Variants in PLEKHA7 observed in about 807,000 individuals in gnomAD.
PLEKHA7 encodes pleckstrin homology domain containing A7.
PLEKHA7 carries 104 observed loss-of-function variants against 170.0 expected under a neutral mutation model. The observed-to-expected ratio is 0.61, with a 90% CI of 0.52 to 0.72. The LOEUF (loss-of-function observed/expected upper bound fraction) is 0.72, where lower values mean the gene tolerates loss of function less well. PLEKHA7 is among the 30% of genes least tolerant of loss of function. PLEKHA7 has a pLI of 0.00. For synonymous variants in PLEKHA7, 648 were observed against 660.8 expected, an observed-to-expected ratio of 0.98 and a Z score of 0.30; for missense variants, 1,615 against 1,671.7, an observed-to-expected ratio of 0.97 and a Z score of 0.59.
At chr11:16,989,125 G>A (rs6486333) in intron 3 of PLEKHA7, among the ~76,000 whole-genome samples, 60,081 of 152,084 alleles carry the variant, frequency 0.4, 12,421 homozygotes, top group East Asian at 0.57. Context: ...GTGTTCTGGG[G>A]ATGAAACTTC....
At chr11:16,985,071 G>A (rs1863646219) in intron 3 of PLEKHA7, among the ~76,000 whole-genome samples, 1 of 152,206 alleles carries the variant, frequency 6.6e-6, no homozygotes, top group African/African-American at 2.4e-5. Context: ...AGCGGGCTGG[G>A]CACCTCCTCA....
chr11:16,834,840 G>C (rs931774001), intron 9 of PLEKHA7, among the ~76,000 whole-genome samples: 7 of 152,172 alleles, frequency 4.6e-5, no homozygotes, highest in Admixed American at 1.3e-4. Flanking sequence ...GATTACTTGG[G>C]GGGGCGGGGG....
chr11:16,786,261 G>A lies in PLEKHA7; in HGVS notation c.3484C>T (p.Pro1162Ser), dbSNP rs1376568487. ...CTGATGTCCAAGTCATAGTCTTGAG[G>A]CTCCAGGTCCAACTCAGTGACAGGC... ...AMPVTELDLE[P>S]QDYDLDISRE... The change falls in exon 24 of 27, where the codon CCT (proline) becomes TCT (serine). Residue 1162 changes from proline (P) to serine (S), a missense_variant. Coordinates refer to ENST00000531066, the MANE Select transcript of PLEKHA7 (RefSeq NM_001329630.2). The A allele has an allele frequency of 4.6e-6, 7 of 1,536,006 alleles. No individual in the cohort carries two copies. In the Admixed American group the frequency reaches 1.4e-4, roughly 30 times the overall value.
At chr11:16,954,534 T>TAA (rs879610741) in intron 3 of PLEKHA7, among the ~76,000 whole-genome samples, 6 of 141,044 alleles carry the variant, frequency 4.3e-5, no homozygotes, top group African/African-American at 1.0e-4. Context: ...ACTCTGTCTT[T>TAA]AAAAAAAAAA....
At chr11:17,012,326 T>C (rs528292710) in intron 3 of PLEKHA7, among the ~76,000 whole-genome samples, 1 of 152,332 alleles carries the variant, frequency 6.6e-6, no homozygotes, top group African/African-American at 2.4e-5. Flanking sequence ...ACTTTCTCCC[T>C]TGTGCACCAC....
At position 16,954,885 on chromosome 11, in the gene PLEKHA7, T is replaced by A. The variant is rs895891634; in HGVS notation, c.221+59104A>T. 5.9e-5 allele frequency among the ~76,000 whole-genome samples: 9 copies of A among 152,194 alleles called. No individual in the cohort carries two copies. The East Asian group carries it at 1.7e-3, about 29-fold the overall frequency. On this transcript the variant is annotated intron_variant, in intron 3 of 26. Coordinates refer to ENST00000531066, the MANE Select transcript of PLEKHA7 (RefSeq NM_001329630.2). ...TTTTGTATTTTTATTAGAGACGGGG[T>A]TTCACTATGTTGGCCAGGCTGGTCT...
chr11:16,816,175 T>G lies in PLEKHA7; in HGVS notation c.1953+3A>C. On this transcript the variant is annotated splice_donor_region_variant and intron_variant, in intron 12 of 26. Coordinates refer to ENST00000531066, the MANE Select transcript of PLEKHA7 (RefSeq NM_001329630.2). ...GCAGGCTATGTCTTGTCATTCACCC[T>G]ACCGATTTTCCATGTAAACTGGGAG... 6.2e-7 allele frequency: 1 copy of G among 1,608,642 alleles called. No individual in the cohort carries two copies. Among genetic ancestry groups the G allele is most frequent in the Non-Finnish European group, 8.5e-7 (1 of 1,174,976 alleles).
At chr11:16,785,730 T>A (rs1289280983) in intron 24 of PLEKHA7, among the ~76,000 whole-genome samples, 2 of 152,170 alleles carry the variant, frequency 1.3e-5, no homozygotes, top group Admixed American at 6.5e-5. Context: ...AGACCAGAAC[T>A]CTGCACTGTC....
At chr11:16,836,686 T>A (rs764495320) in intron 9 of PLEKHA7, among the ~76,000 whole-genome samples, 1 of 152,224 alleles carries the variant, frequency 6.6e-6, no homozygotes, top group Admixed American at 6.5e-5. Context: ...TGTATTCGCT[T>A]GGCTGAAAAT....
chr11:16,906,278 G>GGAAGGAAGGAAGGAAA (rs1554968186), intron 3 of PLEKHA7, among the ~76,000 whole-genome samples: 9 of 98,682 alleles, frequency 9.1e-5, no homozygotes, highest in Admixed American at 3.1e-4. Context: ...AAGGAAGGAA[G>GGAAGGAAGGAAGGAAA]GAAAGAAAGA....
chr11:16,952,377 G>A (rs1272096425), intron 3 of PLEKHA7, among the ~76,000 whole-genome samples: 1 of 152,152 alleles, frequency 6.6e-6, no homozygotes, highest in East Asian at 1.9e-4. Context: ...TTCTGCTAAG[G>A]AGGGCAGAAA....
In PLEKHA7 at chr11:16,924,021, A is replaced by AC. The variant is rs977673728; in HGVS notation, c.222-52840dup. 4.0e-5 allele frequency among the ~76,000 whole-genome samples: 6 copies of AC among 151,038 alleles called. No individual in the cohort carries two copies. The East Asian group carries it at 1.2e-3, about 29-fold the overall frequency. Reference sequence around the variant, plus strand: ...ATCTCCTCAGGTCTGTCTCTAACCAACCCCCGTCCCTCCCACCTCCCCAGA... The same window carrying AC: ...ATCTCCTCAGGTCTGTCTCTAACCAACCCCCCGTCCCTCCCACCTCCCCAGA... On this transcript the variant is annotated intron_variant, in intron 3 of 26. Coordinates refer to ENST00000531066, the MANE Select transcript of PLEKHA7 (RefSeq NM_001329630.2).
At position 17,014,180 on chromosome 11, in the gene PLEKHA7, G is replaced by A. The variant is rs1865521665; in HGVS notation, c.108C>T (p.Thr36=). 1 of 1,597,674 alleles carries A rather than the reference G, an allele frequency of 6.3e-7. No individual in the cohort carries two copies. The highest frequency in any genetic ancestry group is 1.4e-5 in the African/African-American group (1 of 73,382). Residue 36 remains threonine (T), a synonymous_variant, in exon 2 of 27, where the codon ACC becomes ACT. Coordinates refer to ENST00000531066, the MANE Select transcript of PLEKHA7 (RefSeq NM_001329630.2). ...FFINDQLRCT[T]WLHPRTGEPV... Reference sequence around the variant, plus strand: ...GCTCCCCGGTGCGCGGATGCAGCCAGGTCGTGCAGCGGAGCTGGTCACTGC... The same window carrying A: ...GCTCCCCGGTGCGCGGATGCAGCCAAGTCGTGCAGCGGAGCTGGTCACTGC...
chr11:16,914,693 C>T (rs981293082), intron 3 of PLEKHA7, among the ~76,000 whole-genome samples: 41 of 152,174 alleles, frequency 2.7e-4, no homozygotes, highest in African/African-American at 9.7e-4. Flanking sequence ...CTAGAGTTCA[C>T]CACTATTTAT....
At chr11:16,883,494 C>T (rs983976457) in intron 3 of PLEKHA7, among the ~76,000 whole-genome samples, 3 of 152,182 alleles carry the variant, frequency 2.0e-5, no homozygotes, top group Admixed American at 6.5e-5. Context: ...TCCATGGCTC[C>T]TCATGTTAAA....
chr11:16,974,190 C>A (rs1862904984), intron 3 of PLEKHA7, among the ~76,000 whole-genome samples: 1 of 150,652 alleles, frequency 6.6e-6, no homozygotes. Context: ...TACCTGAGCC[C>A]AGGGAGGTCG....
At chr11:16,999,734 C>T (rs1415835183) in intron 3 of PLEKHA7, among the ~76,000 whole-genome samples, 1 of 152,194 alleles carries the variant, frequency 6.6e-6, no homozygotes, top group Non-Finnish European at 1.5e-5. Context: ...TTCAGACAGG[C>T]TATCGCATTT....
In PLEKHA7 at chr11:16,865,228, C is replaced by A. The variant is rs117502391; in HGVS notation, c.305+5871G>T. On this transcript the variant is annotated intron_variant, in intron 4 of 26. Coordinates refer to ENST00000531066, the MANE Select transcript of PLEKHA7 (RefSeq NM_001329630.2). ...AAAACCACGATGTAACAGAACTATT[C>A]TCCCCCTTTCTCTATGCATTGTACT... 2.0e-4 allele frequency among the ~76,000 whole-genome samples: 30 copies of A among 152,316 alleles called. No individual in the cohort carries two copies. The East Asian group carries it at 5.8e-3, about 29-fold the overall frequency.
chr11:16,778,822 G>A lies in PLEKHA7; in HGVS notation c.*176C>T. On this transcript the variant is annotated 3_prime_UTR_variant, in exon 27 of 27. Coordinates refer to ENST00000531066, the MANE Select transcript of PLEKHA7 (RefSeq NM_001329630.2). ...GTAGAGAGGAGTCTGAGCTAAACTA[G>A]TGGGTGCATATTAGGGCCTGGCCTG... 1.6e-6 allele frequency: 1 copy of A among 635,550 alleles called. No homozygotes were observed. Among genetic ancestry groups the A allele is most frequent in the Admixed American group, 2.3e-5 (1 of 42,864 alleles). The allele number at this position is 635,550 out of a possible 1,614,324, so 39.4% of individuals were successfully genotyped here. A position where few individuals can be genotyped will look rare whatever the true frequency, so the allele number is the denominator to read the frequency against.
Sources: gnomAD v4.1 joint callset for allele counts (sites outside exome capture counted in the v4.1 genomes callset) on GRCh38, gnomAD v4.1.1 for gene constraint, MANE v1.5 for transcripts, NCBI Gene and HGNC (gene_info 2026-07-23, HGNC 2026-07-21) for gene names.